The following GOLGA4 variants were observed in gnomAD, a reference collection of about 807,000 sequenced individuals.
GOLGA4 encodes golgin A4, also known as golgin subfamily A member 4.
GOLGA4 carries 169 observed loss-of-function variants against 265.9 expected under a neutral mutation model. That is an observed-to-expected ratio of 0.64 (90% CI 0.56 to 0.72). The LOEUF (loss-of-function observed/expected upper bound fraction) is 0.72. Among genes scored for constraint, GOLGA4 ranks in the 30% least tolerant of loss-of-function variants. The probability of loss-of-function intolerance (pLI) is 0.00; values close to 1 mark genes in which losing one functional copy is unlikely to be tolerated. For synonymous variants in GOLGA4, 923 were observed against 855.8 expected, an observed-to-expected ratio of 1.08 and a Z score of -1.37; for missense variants, 2,482 against 2,483.4, an observed-to-expected ratio of 1.00 and a Z score of 0.01.
chr3:37,300,755 T>C (rs1273084246), intron 9 of GOLGA4, among the ~76,000 whole-genome samples: 2 of 152,180 alleles, frequency 1.3e-5, no homozygotes, highest in Non-Finnish European at 2.9e-5. Context: ...AACCACATTA[T>C]CATGATCACA....
intron 10 of GOLGA4, among the ~76,000 whole-genome samples, chr3:37,304,699 G>A (rs1207555181): frequency 6.6e-6 from 1 of 152,154 alleles, no homozygotes; most frequent in East Asian, 1.9e-4. Context: ...AAGTTGAAAA[G>A]GGTAAATGAT....
chr3:37,274,552 G>A (rs944727595), intron 2 of GOLGA4, among the ~76,000 whole-genome samples: 2 of 152,038 alleles, frequency 1.3e-5, no homozygotes, highest in Admixed American at 6.5e-5. Flanking sequence ...AAATTAGCTG[G>A]GTGTGGTGGT....
In GOLGA4 at chr3:37,366,152, C is replaced by G. The variant is rs1696732813; in HGVS notation, c.*106C>G. ...CTGCTTGGAAAACTGTCCACACTTG[C>G]TACTCTTTGAGAATGAAGTTGTCAT... On this transcript the variant is annotated 3_prime_UTR_variant, in exon 24 of 24. Coordinates refer to ENST00000361924, the MANE Select transcript of GOLGA4 (RefSeq NM_002078.5). The G allele has an allele frequency of 4.9e-6, 7 of 1,439,692 alleles. No homozygotes were observed. The Admixed American group carries it at 8.7e-5, about 18-fold the overall frequency. The allele number at this position is 1,439,692 out of a possible 1,614,324, so 89.2% of individuals were successfully genotyped here. A position where few individuals can be genotyped will look rare whatever the true frequency, so the allele number is the denominator to read the frequency against.
In GOLGA4 at chr3:37,342,274, G is replaced by T. The variant is rs944897801; in HGVS notation, c.6472+2075G>T. On this transcript the variant is annotated intron_variant, in intron 20 of 23. Coordinates refer to ENST00000361924, the MANE Select transcript of GOLGA4 (RefSeq NM_002078.5). ...CAGGAGAATCGCTTGAACCTGGGAG[G>T]CTGGGGTTGCAGTGAGCCAAGATCA... 6.6e-5 allele frequency among the ~76,000 whole-genome samples: 10 copies of T among 152,286 alleles called. No individual in the cohort carries two copies. The South Asian group carries it at 2.1e-3, about 32-fold the overall frequency.
chr3:37,364,718 C>T (rs938042621), intron 23 of GOLGA4, among the ~76,000 whole-genome samples: 6 of 151,458 alleles, frequency 4.0e-5, no homozygotes, highest in Admixed American at 6.6e-5. Context: ...TTCTGAGTAG[C>T]TGGGACCACA....
At chr3:37,254,500 TA>T (rs893340509) in intron 2 of GOLGA4, among the ~76,000 whole-genome samples, 29 of 152,198 alleles carry the variant, frequency 1.9e-4, no homozygotes, top group African/African-American at 6.3e-4. Context: ...TTTAATTAAT[TA>T]AAAAATTAAT....
intron 19 of GOLGA4, among the ~76,000 whole-genome samples, chr3:37,338,001 T>A (rs2097020214): frequency 6.6e-6 from 1 of 152,252 alleles, no homozygotes; most frequent in South Asian, 2.1e-4. Context: ...ATTTATGTTC[T>A]ACAAAGAAGT....
At position 37,337,704 on chromosome 3, in the gene GOLGA4, G is replaced by A. The variant is rs1253972216; in HGVS notation, c.6366G>A (p.Ser2122=). The A allele has an allele frequency of 9.3e-6, 15 of 1,611,248 alleles. No individual in the cohort carries two copies. Among genetic ancestry groups the A allele is most frequent in the Non-Finnish European group, 1.2e-5 (14 of 1,177,548 alleles). ...LAQKTTLISD[S]KLKEQEFREQ... ...AGAAGACGACTTTAATCAGTGATTCGAAATTGAAAGAGCAAGAGTTCAGAG... is the reference window on the plus strand; with the variant it reads ...AGAAGACGACTTTAATCAGTGATTCAAAATTGAAAGAGCAAGAGTTCAGAG... Residue 2122 remains serine, a synonymous_variant, in exon 19 of 24, where the codon TCG becomes TCA. Transcript: ENST00000361924.
Position 37,326,924 on chromosome 3 carries a change from A to T in GOLGA4, c.5038A>T (p.Lys1680Ter). 2.5e-6 allele frequency: 4 copies of T among 1,613,930 alleles called. No homozygotes were observed. The highest frequency in any genetic ancestry group is 3.4e-6 in the Non-Finnish European group (4 of 1,179,822). Residue 1680 changes from lysine (K) to a stop codon, truncating the protein, a stop_gained, in exon 14 of 24, where the codon AAA becomes TAA. Coordinates refer to ENST00000361924, the MANE Select transcript of GOLGA4 (RefSeq NM_002078.5). LOFTEE classifies it high-confidence loss of function. ...AAGCCATTTGAGTGAGCTAAATACA[A>T]AATTGCAGGAAAGAGAAAGGGAAGT... Reference protein sequence around the residue: ...TESHLSELNTKLQEREREVHI... With the variant: ...TESHLSELNT
In GOLGA4 at chr3:37,297,915, G is replaced by A. The variant is rs145218181; in HGVS notation, c.815-918G>A. Among the ~76,000 whole-genome samples, 450 of 152,196 alleles carry A rather than the reference G, an allele frequency of 3.0e-3. 1 individual carries two copies. Among genetic ancestry groups the A allele is most frequent in the Non-Finnish European group, 5.3e-3 (362 of 68,006 alleles). On this transcript the variant is annotated intron_variant, in intron 7 of 23. Coordinates refer to ENST00000361924, the MANE Select transcript of GOLGA4 (RefSeq NM_002078.5). ...GTGGTGGTGTGCGCCTGTAATCCCA[G>A]CTACTTGGGAGGTTGAGGCAGGGGA...
rs565661607 is a variant in GOLGA4 at position 37,335,193 on chromosome 3, A to G, written c.6306+27A>G. The G allele has an allele frequency of 3.2e-5, 37 of 1,165,340 alleles. No homozygotes were observed. In the South Asian group the frequency reaches 3.5e-4, roughly 11 times the overall value. 72.2% of individuals were successfully genotyped at this position (1,165,340 alleles called of 1,614,324 possible). A position where few individuals can be genotyped will look rare whatever the true frequency, so the allele number is the denominator to read the frequency against. ...TGAGAGGAGTTTGAGTTTGCTGCAC[A>G]TGTTTCTTGAAAACATTGTCATTTC... is the stretch of plus-strand genomic sequence containing the variant. On this transcript the variant is annotated intron_variant, in intron 17 of 23. Transcript: ENST00000361924.
At chr3:37,250,778 G>GT (rs143574667) in intron 1 of GOLGA4, among the ~76,000 whole-genome samples, 5 of 152,022 alleles carry the variant, frequency 3.3e-5, no homozygotes, top group South Asian at 2.1e-4. Context: ...TTTCTCCTGA[G>GT]TTTTTTTGCG....
intron 5 of GOLGA4, among the ~76,000 whole-genome samples, chr3:37,294,453 C>T (rs1388186370): frequency 1.3e-5 from 2 of 149,782 alleles, no homozygotes; most frequent in African/African-American, 2.5e-5. Flanking sequence ...TGGCAAGCCT[C>T]AACTCACTGC....
chr3:37,333,501 A>G (rs1456051998), intron 16 of GOLGA4, among the ~76,000 whole-genome samples: 1 of 152,214 alleles, frequency 6.6e-6, no homozygotes, highest in African/African-American at 2.4e-5. Flanking sequence ...GGCTTGCTTT[A>G]GATTAGTATC....
At chr3:37,289,940 T>C (rs916318242) in intron 5 of GOLGA4, among the ~76,000 whole-genome samples, 3 of 152,246 alleles carry the variant, frequency 2.0e-5, no homozygotes, top group Non-Finnish European at 4.4e-5. Flanking sequence ...TGTTGAAGAA[T>C]ATCTTGTTAC....
intron 10 of GOLGA4, among the ~76,000 whole-genome samples, chr3:37,311,245 G>A (rs1047471747): frequency 2.6e-5 from 4 of 151,998 alleles, no homozygotes; most frequent in Admixed American, 6.6e-5. Context: ...TTTGAAATAC[G>A]TTTTCTGTGT....
At chr3:37,304,898 A>C (rs1400057121) in intron 10 of GOLGA4, among the ~76,000 whole-genome samples, 1 of 152,164 alleles carries the variant, frequency 6.6e-6, no homozygotes, top group Non-Finnish European at 1.5e-5. Context: ...AAAGGTTTAA[A>C]ATTTTTTCTA....
intron 10 of GOLGA4, among the ~76,000 whole-genome samples, chr3:37,307,679 A>G (rs370319112): frequency 2.6e-5 from 4 of 152,162 alleles, no homozygotes; most frequent in African/African-American, 9.7e-5. Flanking sequence ...ATGCCATGTT[A>G]GATAAATAAT....
At chr3:37,282,573 G>T (rs2096837707) in intron 3 of GOLGA4, among the ~76,000 whole-genome samples, 1 of 152,152 alleles carries the variant, frequency 6.6e-6, no homozygotes, top group Admixed American at 6.5e-5. Context: ...AAGGTCACTT[G>T]GACACCCAGT....
Sources: allele counts gnomAD v4.1 joint callset (sites outside exome capture counted in the v4.1 genomes callset), GRCh38; gene constraint gnomAD v4.1.1; transcripts MANE v1.5; gene names NCBI Gene and HGNC (gene_info 2026-07-23, HGNC 2026-07-21).